CPNE8: variants seen among roughly 807,000 people sequenced by gnomAD.
CPNE8 encodes the protein copine-8.
Under a neutral mutation model 81.5 loss-of-function variants are expected in CPNE8, and 45 were observed. The ratio of observed to expected loss-of-function variants is 0.55; its 90% CI spans 0.44 to 0.71. CPNE8 has a LOEUF of 0.71. Ranked by LOEUF, CPNE8 falls within the 30% of genes least tolerant of loss-of-function variation. The pLI is 0.00. For synonymous variants in CPNE8, 252 were observed against 226.3 expected (o/e 1.11, Z -1.02); for missense variants, 594 against 672.1 (o/e 0.88, Z 1.28).
At chr12:38,689,083 A>G (rs1939609182) in intron 15 of CPNE8, among the ~76,000 whole-genome samples, 1 of 152,226 alleles carries the variant, frequency 6.6e-6, no homozygotes, top group Admixed American at 6.5e-5. Flanking sequence ...AAAGTAAAAC[A>G]CAGGATTTTT....
rs867830591 is a variant in CPNE8, at chr12:38,760,956, T to A, written c.681-68A>T. On this transcript the variant is annotated intron_variant, in intron 9 of 19. Transcript: ENST00000331366. Reference sequence around the variant, plus strand: ...TCAAAATAATGTATGGTTGAGAATTTAAAAATAAGTTGTTTTTCTTAGATA... The same window carrying A: ...TCAAAATAATGTATGGTTGAGAATTAAAAAATAAGTTGTTTTTCTTAGATA... 56 of 1,184,164 alleles carry A rather than the reference T, an allele frequency of 4.7e-5. No individual in the cohort carries two copies. The African/African-American group carries it at 7.0e-4, about 15-fold the overall frequency. 73.4% of individuals were successfully genotyped at this position (1,184,164 alleles called of 1,614,324 possible).
rs991592162 is a variant in CPNE8 at position 38,861,960 on chromosome 12, A to G, written c.186+11044T>C. ...TCTGCTAATGTTGGTATAGTATAAC[A>G]TTATTCCAACTAATACATGAAAATC... On this transcript the variant is annotated intron_variant, in intron 3 of 19. Coordinates refer to ENST00000331366, the MANE Select transcript of CPNE8 (RefSeq NM_153634.3). 3.3e-5 allele frequency among the ~76,000 whole-genome samples: 5 copies of G among 152,324 alleles called. 1 individual carries two copies. The highest frequency in any genetic ancestry group is 3.9e-4 in the East Asian group (2 of 5,184).
intron 8 of CPNE8, among the ~76,000 whole-genome samples, chr12:38,762,515 G>A (rs1941593428): frequency 6.6e-6 from 1 of 152,096 alleles, no homozygotes; most frequent in Non-Finnish European, 1.5e-5. Flanking sequence ...ATATCCATAG[G>A]TCCCTAAGAA....
At chr12:38,707,799 C>T (rs1940148713) in intron 13 of CPNE8, among the ~76,000 whole-genome samples, 1 of 152,182 alleles carries the variant, frequency 6.6e-6, no homozygotes, top group African/African-American at 2.4e-5. Context: ...AATAAAGCAG[C>T]TCATGCTAGC....
chr12:38,719,411 A>G (rs949533226), intron 13 of CPNE8, among the ~76,000 whole-genome samples: 3 of 151,976 alleles, frequency 2.0e-5, no homozygotes, highest in Non-Finnish European at 4.4e-5. Flanking sequence ...CAAGACCAGC[A>G]TGGCCAACAT....
At chr12:38,888,210 T>G (rs1944263153) in intron 1 of CPNE8, among the ~76,000 whole-genome samples, 1 of 152,232 alleles carries the variant, frequency 6.6e-6, no homozygotes, top group Non-Finnish European at 1.5e-5. Context: ...TTCCTTTGTC[T>G]ATTAGCTGTA....
At chr12:38,883,173 C>A (rs984792960) in intron 1 of CPNE8, among the ~76,000 whole-genome samples, 11 of 152,164 alleles carry the variant, frequency 7.2e-5, no homozygotes, top group African/African-American at 2.4e-4. Context: ...ATAAGTTAAT[C>A]AAATTCAGAG....
intron 1 of CPNE8, 62 bp downstream of exon 1, chr12:38,905,375 T>C: frequency 6.6e-7 from 1 of 1,526,578 alleles, no homozygotes; most frequent in East Asian, 2.5e-5. Flanking sequence ...CCGAGCGCTC[T>C]CCAAGTGCTA....
rs576862289 is a variant in CPNE8 at position 38,769,731 on chromosome 12, G to C, written c.472-1993C>G. On this transcript the variant is annotated intron_variant, in intron 7 of 19. Coordinates refer to ENST00000331366, the MANE Select transcript of CPNE8 (RefSeq NM_153634.3). ...AAATGAAATGTGTTTATTTCAAATA[G>C]ATTGTGAATAAAACATCAGAGGTGT... Among the ~76,000 whole-genome samples the C allele has an allele frequency of 1.3e-3, 201 of 152,216 alleles. 4 individuals carry two copies. The highest frequency in any genetic ancestry group is 3.4e-3 in the Middle Eastern group (1 of 294).
chr12:38,711,694 C>A (rs1191791201), intron 13 of CPNE8, among the ~76,000 whole-genome samples: 1 of 152,120 alleles, frequency 6.6e-6, no homozygotes, highest in Non-Finnish European at 1.5e-5. Context: ...GTCTCAAACT[C>A]CTGACCTCAG....
chr12:38,890,138 T>A (rs1944292667), intron 1 of CPNE8, among the ~76,000 whole-genome samples: 1 of 152,200 alleles, frequency 6.6e-6, no homozygotes, highest in Admixed American at 6.5e-5. Flanking sequence ...TACCATTTAT[T>A]GACCTCATTG....
chr12:38,703,305 C>T (rs1939996964), intron 13 of CPNE8, among the ~76,000 whole-genome samples: 2 of 152,092 alleles, frequency 1.3e-5, no homozygotes, highest in Admixed American at 1.3e-4. Context: ...GTGAAATTAG[C>T]ATGTCCTTTA....
intron 14 of CPNE8, among the ~76,000 whole-genome samples, chr12:38,694,475 C>T (rs866648300): frequency 6.6e-6 from 1 of 152,032 alleles, no homozygotes; most frequent in African/African-American, 2.4e-5. Context: ...TGTGTTTACC[C>T]GGAGGACAAA....
upstream of CPNE8, chr12:38,906,272 G>A (rs967775425): frequency 8.1e-6 from 8 of 985,452 alleles, no homozygotes; most frequent in African/African-American, 1.4e-4. Context: ...GCATTGTGAC[G>A]CTCTCCAACC....
At chr12:38,717,566 G>C (rs60048904) in intron 13 of CPNE8, among the ~76,000 whole-genome samples, 2 of 150,384 alleles carry the variant, frequency 1.3e-5, no homozygotes, top group East Asian at 2.0e-4. Flanking sequence ...TCTGGAATGC[G>C]AAACCAAATA....
chr12:38,799,571 C>T (rs1592101225), intron 6 of CPNE8, among the ~76,000 whole-genome samples: 1 of 152,088 alleles, frequency 6.6e-6, no homozygotes, highest in East Asian at 1.9e-4. Context: ...ATTTATAGCA[C>T]TAAATGCCCA....
intron 3 of CPNE8, among the ~76,000 whole-genome samples, chr12:38,858,614 G>A (rs775433713): frequency 1.3e-5 from 2 of 152,150 alleles, no homozygotes; most frequent in Non-Finnish European, 2.9e-5. Context: ...TCCAGGTATT[G>A]TCACAGCAAT....
chr12:38,736,699 T>C (rs1262911252), intron 10 of CPNE8, among the ~76,000 whole-genome samples: 2 of 152,028 alleles, frequency 1.3e-5, no homozygotes, highest in South Asian at 2.1e-4. Context: ...CACCAGAATA[T>C]TGTCAAACAA....
intron 6 of CPNE8, among the ~76,000 whole-genome samples, chr12:38,803,390 C>T (rs1482003550): frequency 8.8e-5 from 13 of 148,408 alleles, no homozygotes; most frequent in South Asian, 4.5e-4. Context: ...CATATAAACA[C>T]AACCAAAGAC....
Sources: allele counts gnomAD v4.1 joint callset (sites outside exome capture counted in the v4.1 genomes callset), GRCh38; gene constraint gnomAD v4.1.1; transcripts MANE v1.5; gene names NCBI Gene and HGNC (gene_info 2026-07-23, HGNC 2026-07-21).